Variants in ETFRF1 observed in about 807,000 individuals in gnomAD.
ETFRF1 encodes the protein electron transfer flavoprotein regulatory factor 1.
Under a neutral mutation model 9.0 loss-of-function variants are expected in ETFRF1, and 12 were observed. The observed-to-expected ratio is 1.34, with a 90% CI of 0.86 to 2.16. The LOEUF (loss-of-function observed/expected upper bound fraction) is 2.16. Among genes scored for constraint, ETFRF1 ranks in the 30% most tolerant of loss-of-function variants. The pLI is 0.00. For synonymous variants in ETFRF1, 34 were observed against 33.2 expected (o/e 1.02, Z -0.08); for missense variants, 98 against 101.8 (o/e 0.96, Z 0.16).
intron 1 of ETFRF1, among the ~76,000 whole-genome samples, chr12:25,201,966 A>G (rs1404688062): frequency 6.6e-6 from 1 of 151,064 alleles, no homozygotes; most frequent in Non-Finnish European, 1.5e-5. Flanking sequence ...CACGCCTGTA[A>G]TCCCAGCACT....
chr12:25,195,398 C>A (rs1206295197), intron 1 of ETFRF1, 61 bp downstream of exon 1: 6 of 548,222 alleles, frequency 1.1e-5, no homozygotes, highest in African/African-American at 1.9e-5. Flanking sequence ...GGTCTGGAGG[C>A]GAAATATGCT....
chr12:25,196,966 AAC>A (rs950797632), intron 1 of ETFRF1, among the ~76,000 whole-genome samples: 1 of 152,156 alleles, frequency 6.6e-6, no homozygotes, highest in Non-Finnish European at 1.5e-5. Context: ...CATCCTGGAT[AAC>A]ACAGTGAAAC....
intron 1 of ETFRF1, among the ~76,000 whole-genome samples, chr12:25,198,516 G>A (rs1951049147): frequency 6.6e-6 from 1 of 152,124 alleles, no homozygotes; most frequent in Admixed American, 6.6e-5. Flanking sequence ...AGAAAGCTCA[G>A]AAGTGATAGA....
rs914165438 is a variant in ETFRF1 at position 25,202,093 on chromosome 12, CGTG to C, written c.-37-1822_-37-1820del. On this transcript the variant is annotated intron_variant, in intron 1 of 2. Transcript: ENST00000381356. Reference sequence around the variant, plus strand: ...AAAAAAAAAAAAAAAATTAGCCAGGCGTGGTGGCGCGCACACGTAGTCCCAGCT... The same window carrying C: ...AAAAAAAAAAAAAAAATTAGCCAGGCGTGGCGCGCACACGTAGTCCCAGCT... 4.6e-5 allele frequency among the ~76,000 whole-genome samples: 3 copies of C among 65,710 alleles called. No individual in the cohort carries two copies. The Admixed American group carries it at 5.3e-4, about 12-fold the overall frequency. The allele number at this position is 65,710 out of a possible 152,430, so 43.1% of individuals were successfully genotyped here.
At chr12:25,201,427 T>C (rs111671510) in intron 1 of ETFRF1, among the ~76,000 whole-genome samples, 5 of 152,130 alleles carry the variant, frequency 3.3e-5, no homozygotes, top group African/African-American at 1.2e-4. Context: ...AAATTAAATA[T>C]TTAGGGCAAT....
In ETFRF1 at chr12:25,204,133, T is replaced by C; in HGVS notation, c.94T>C (p.Phe32Leu). The stretch of plus-strand genomic sequence containing the variant: ...AGACTATCCAAAAGGAGCAGACTAT[T>C]TTAAAAAGCGTTTGAAGAACATTTT... ...GRDYPKGADY[F>L]KKRLKNIFLK... Residue 32 changes from phenylalanine (F) to leucine (L), a missense_variant, in exon 3 of 3, where the codon TTT becomes CTT. Transcript: ENST00000381356. 6.2e-7 allele frequency: 1 copy of C among 1,606,874 alleles called. No individual in the cohort carries two copies. Among genetic ancestry groups the C allele is most frequent in the Non-Finnish European group, 8.5e-7 (1 of 1,175,894 alleles).
chr12:25,202,720 T>C (rs1179625851), intron 1 of ETFRF1, among the ~76,000 whole-genome samples: 2 of 152,004 alleles, frequency 1.3e-5, no homozygotes, highest in Non-Finnish European at 2.9e-5. Context: ...GGGGTGATGA[T>C]TATAAAAAGT....
chr12:25,203,936 A>G lies in ETFRF1; in HGVS notation c.-21A>G. The G allele has an allele frequency of 6.9e-7, 1 of 1,441,404 alleles. No homozygotes were observed. Among genetic ancestry groups the G allele is most frequent in the Non-Finnish European group, 9.1e-7 (1 of 1,095,832 alleles). 89.3% of individuals were successfully genotyped at this position (1,441,404 alleles called of 1,614,324 possible). A position where few individuals can be genotyped will look rare whatever the true frequency, so the allele number is the denominator to read the frequency against. ...TTTCTTTAGGTATGTTATGCATAAA[A>G]GTGGATAATTTACATGATAAATGAA... On this transcript the variant is annotated 5_prime_UTR_variant, in exon 2 of 3. Transcript: ENST00000381356.
Position 25,201,930 on chromosome 12 carries a change from A to G in ETFRF1, c.-37-1990A>G, listed in dbSNP as rs1308825454. ...TGATCTAAAAGCCTATTTTAAAAAT[A>G]TAAGTTGCGGCCGGGCACGGTGGCT... On this transcript the variant is annotated intron_variant, in intron 1 of 2. Coordinates refer to ENST00000381356, the MANE Select transcript of ETFRF1 (RefSeq NM_001001660.3). 4.6e-5 allele frequency among the ~76,000 whole-genome samples: 7 copies of G among 152,070 alleles called. No homozygotes were observed. In the South Asian group the frequency reaches 6.2e-4, roughly 14 times the overall value.
chr12:25,200,897 G>C (rs1298758134), intron 1 of ETFRF1, among the ~76,000 whole-genome samples: 1 of 152,214 alleles, frequency 6.6e-6, no homozygotes, highest in South Asian at 2.1e-4. Flanking sequence ...AGTCAGTCCA[G>C]AATCAAGCAG....
intron 1 of ETFRF1, among the ~76,000 whole-genome samples, chr12:25,199,370 A>C (rs1299787613): frequency 6.7e-6 from 1 of 149,554 alleles, no homozygotes; most frequent in Non-Finnish European, 1.5e-5. Context: ...TATATAGTAC[A>C]TAACTATATA....
intron 1 of ETFRF1, among the ~76,000 whole-genome samples, chr12:25,202,057 G>GAAAAAAAAAAAAA (rs1951077432): frequency 1.1e-4 from 1 of 8,960 alleles, no homozygotes; most frequent in African/African-American, 1.5e-4. Context: ...CGTCTCTACT[G>GAAAAAAAAAAAAA]AAATACAAAA....
At chr12:25,200,047 T>A (rs1279109886) in intron 1 of ETFRF1, among the ~76,000 whole-genome samples, 1 of 152,094 alleles carries the variant, frequency 6.6e-6, no homozygotes, top group Non-Finnish European at 1.5e-5. Flanking sequence ...CCATCTCTAC[T>A]AAAAATACAT....
At chr12:25,203,600 G>C (rs1951094966) in intron 1 of ETFRF1, 9 of 185,690 alleles carry the variant, frequency 4.8e-5, no homozygotes, top group Non-Finnish European at 1.1e-5. Context: ...TTTAAATCTA[G>C]TTTAACTCAT....
chr12:25,202,394 AG>A (rs1555191352), intron 1 of ETFRF1, among the ~76,000 whole-genome samples: 2 of 139,602 alleles, frequency 1.4e-5, no homozygotes, highest in African/African-American at 5.1e-5. Context: ...TGCAGTGAGG[AG>A]GGCCTCTGGG....
intron 1 of ETFRF1, among the ~76,000 whole-genome samples, chr12:25,199,233 G>A (rs1344240836): frequency 6.8e-6 from 1 of 147,584 alleles, no homozygotes; most frequent in East Asian, 2.0e-4. Flanking sequence ...TGTTTCCATA[G>A]AAACAAAAAT....
intron 1 of ETFRF1, among the ~76,000 whole-genome samples, chr12:25,202,636 T>A (rs1383146583): frequency 6.6e-6 from 1 of 151,964 alleles, no homozygotes; most frequent in African/African-American, 2.4e-5. Context: ...TGGCATTAGG[T>A]GGCAGAGCTC....
intron 1 of ETFRF1, among the ~76,000 whole-genome samples, chr12:25,199,610 ATG>A: frequency 1.4e-5 from 2 of 141,326 alleles, no homozygotes; most frequent in Admixed American, 1.5e-4. Flanking sequence ...ATATACATAT[ATG>A]TATACATACA....
At chr12:25,197,632 TA>T (rs201490766) in intron 1 of ETFRF1, among the ~76,000 whole-genome samples, 2,912 of 152,140 alleles carry the variant, frequency 0.019, 58 homozygotes, top group South Asian at 0.092. Flanking sequence ...GCCTGGCTAA[TA>T]TTTTTTTACT....
Sources: gnomAD v4.1 joint callset for allele counts (sites outside exome capture counted in the v4.1 genomes callset) on GRCh38, gnomAD v4.1.1 for gene constraint, MANE v1.5 for transcripts, NCBI Gene and HGNC (gene_info 2026-07-23, HGNC 2026-07-21) for gene names.